The following SEMA4D variants were observed in gnomAD, a reference collection of about 807,000 sequenced individuals.
SEMA4D encodes the protein semaphorin 4D, also known as semaphorin-4D.
In SEMA4D, 22 loss-of-function variants were observed where a neutral mutation model predicts 74.8. The ratio of observed to expected loss-of-function variants is 0.29; its 90% confidence interval spans 0.21 to 0.42. The LOEUF is 0.42. SEMA4D is among the 10% of genes least tolerant of loss of function. The pLI, the probability that SEMA4D is intolerant of heterozygous loss-of-function variation, is 1.00. For missense variants in SEMA4D, 937 were observed against 1,118.4 expected, an observed-to-expected ratio of 0.84 and a Z score of 2.31; for synonymous variants, 445 against 463.7, an observed-to-expected ratio of 0.96 and a Z score of 0.52.
At chr9:89,467,689 G>A (rs538503685) in intron 1 of SEMA4D, among the ~76,000 whole-genome samples, 25 of 151,994 alleles carry the variant, frequency 1.6e-4, no homozygotes, top group East Asian at 1.4e-3. Context: ...GCACCATCAC[G>A]CCCAGCTAAT....
At chr9:89,389,497 C>A (rs1839339461) in intron 9 of SEMA4D, among the ~76,000 whole-genome samples, 1 of 152,234 alleles carries the variant, frequency 6.6e-6, no homozygotes, top group Admixed American at 6.5e-5. Context: ...ACCGGCCCTG[C>A]AGCCTGTCTT....
At chr9:89,476,890 C>T (rs985245234) in intron 1 of SEMA4D, among the ~76,000 whole-genome samples, 2 of 152,118 alleles carry the variant, frequency 1.3e-5, no homozygotes, top group Non-Finnish European at 2.9e-5. Context: ...GGCACATACA[C>T]AATATTTGGC....
At chr9:89,443,922 G>C (rs1209457972) in intron 2 of SEMA4D, among the ~76,000 whole-genome samples, 1 of 152,170 alleles carries the variant, frequency 6.6e-6, no homozygotes, top group East Asian at 1.9e-4. Context: ...CCCAGAGTCA[G>C]GCAGCCCTGG....
chr9:89,437,242 A>G (rs1479397822), intron 2 of SEMA4D, among the ~76,000 whole-genome samples: 2 of 152,186 alleles, frequency 1.3e-5, no homozygotes, highest in Non-Finnish European at 2.9e-5. Context: ...GCACAGTGCA[A>G]TGAAGTGTGG....
At chr9:89,480,329 CAG>C (rs1261071243) in intron 1 of SEMA4D, among the ~76,000 whole-genome samples, 1 of 152,278 alleles carries the variant, frequency 6.6e-6, no homozygotes, top group Non-Finnish European at 1.5e-5. Context: ...ACGTCCCCAC[CAG>C]ACTCAGGAGC....
intron 1 of SEMA4D, chr9:89,497,257 G>C (rs1826092090): frequency 6.6e-6 from 1 of 152,266 alleles, no homozygotes; most frequent in Non-Finnish European, 1.5e-5. Context: ...CCAAGCTAAG[G>C]CTTGTGGTTC....
Position 89,363,516 on chromosome 9 carries a change from G to A in SEMA4D, c.2104C>T (p.Gln702Ter). 3.7e-6 allele frequency: 6 copies of A among 1,614,046 alleles called. No homozygotes were observed. Among genetic ancestry groups the A allele is most frequent in the Non-Finnish European group, 4.2e-6 (5 of 1,180,014 alleles). ...GAGAGCTCTCTGGTCCACCTCTCCT[G>A]GTGGGTCACTTCTGGAAAACAAGCA... Residue 702 changes from glutamine to a stop codon, truncating the protein, a stop_gained, in exon 18 of 19, where the codon CAG becomes TAG. Transcript: ENST00000339861. LOFTEE classifies it high-confidence loss of function.
At chr9:89,399,815 T>C (rs953609376) in intron 4 of SEMA4D, among the ~76,000 whole-genome samples, 2 of 151,618 alleles carry the variant, frequency 1.3e-5, no homozygotes, top group African/African-American at 4.8e-5. Context: ...CTGGCCAACA[T>C]GGTGAAACTC....
intron 3 of SEMA4D, among the ~76,000 whole-genome samples, chr9:89,403,799 G>A (rs1272697393): frequency 6.6e-6 from 1 of 152,102 alleles, no homozygotes; most frequent in Admixed American, 6.5e-5. Flanking sequence ...TGTGGTGGCG[G>A]GCGCCTGTAA....
intron 2 of SEMA4D, among the ~76,000 whole-genome samples, chr9:89,420,968 A>G (rs891674345): frequency 1.3e-5 from 2 of 152,250 alleles, no homozygotes; most frequent in African/African-American, 4.8e-5. Flanking sequence ...TGTGAAATGA[A>G]GCCAGTTATA....
chr9:89,480,852 A>C (rs1177888813), intron 1 of SEMA4D, among the ~76,000 whole-genome samples: 1 of 152,208 alleles, frequency 6.6e-6, no homozygotes, highest in Non-Finnish European at 1.5e-5. Flanking sequence ...TGGCCAGCCC[A>C]GAAAGGGGCT....
rs199919422 is a variant in SEMA4D, at chr9:89,381,127, C to T, written c.1620-29G>A. 1 of 1,614,156 alleles carries T rather than the reference C, an allele frequency of 6.2e-7. No individual in the cohort carries two copies. The highest frequency in any genetic ancestry group is 8.5e-7 in the Non-Finnish European group (1 of 1,180,046). On this transcript the variant is annotated intron_variant, in intron 14 of 15. Coordinates refer to ENST00000422704, the MANE Select transcript of SEMA4D (RefSeq NM_001371194.2). This position sits in a 1 kb window ranked among gnomAD's most constrained non-coding sequence, Gnocchi z 4.6. ...CAAAACAACCGGCACGTGTTATTCA[C>T]CCACACACATGGGGGACATCCCCAG...
chr9:89,413,840 A>G (rs1382638963), intron 2 of SEMA4D, among the ~76,000 whole-genome samples: 1 of 152,246 alleles, frequency 6.6e-6, no homozygotes, highest in African/African-American at 2.4e-5. Flanking sequence ...ACATACGTGC[A>G]TGCATCTGTG....
rs1359877591 is a variant in SEMA4D at position 89,409,692 on chromosome 9, G to A, written c.-243-3993C>T. Among the ~76,000 whole-genome samples the A allele has an allele frequency of 7.2e-5, 11 of 152,282 alleles. No homozygotes were observed. The South Asian group carries it at 1.0e-3, about 14-fold the overall frequency. The stretch of plus-strand genomic sequence containing the variant: ...CATTAAGGAAGTAAGTGCCCACACC[G>A]GAGGGCTAGGAGCAGAGACGCAAGA... On this transcript the variant is annotated intron_variant, in intron 2 of 15. Coordinates refer to ENST00000422704, the MANE Select transcript of SEMA4D (RefSeq NM_001371194.2).
chr9:89,479,595 C>A, intron 1 of SEMA4D: 1 of 176,042 alleles, frequency 5.7e-6, no homozygotes, highest in Non-Finnish European at 1.2e-5. Flanking sequence ...GAGTCTGTCC[C>A]TTCTGATGTT....
At chr9:89,372,396 GGT>G (rs146412185), downstream of SEMA4D, among the ~76,000 whole-genome samples, 8,371 of 146,260 alleles carry the variant, frequency 0.057, 360 homozygotes, top group South Asian at 0.1. Context: ...GTGTGTCGGG[GGT>G]GTGTGTGTGT....
At chr9:89,406,535 T>C (rs1482414545) in intron 2 of SEMA4D, among the ~76,000 whole-genome samples, 1 of 152,134 alleles carries the variant, frequency 6.6e-6, no homozygotes, top group Non-Finnish European at 1.5e-5. Context: ...TGGTGTACCT[T>C]TGCTGGGCCC....
intron 1 of SEMA4D, among the ~76,000 whole-genome samples, chr9:89,462,119 T>A (rs1305805374): frequency 6.6e-6 from 1 of 152,218 alleles, no homozygotes; most frequent in Non-Finnish European, 1.5e-5. Context: ...ATTCTCAGGC[T>A]TTGCTGAATC....
chr9:89,497,653 G>A (rs1433608801), intron 1 of SEMA4D, among the ~76,000 whole-genome samples: 1 of 151,872 alleles, frequency 6.6e-6, no homozygotes. Context: ...GCCGGGGAGG[G>A]ATAGCAGAGA....
Sources: allele counts gnomAD v4.1 joint callset (sites outside exome capture counted in the v4.1 genomes callset), GRCh38; gene constraint gnomAD v4.1.1; non-coding constraint Gnocchi (gnomAD v3.1); transcripts MANE v1.5; gene names NCBI Gene and HGNC (gene_info 2026-07-23, HGNC 2026-07-21).